The following GDF11 variants were observed in gnomAD, a reference collection of about 807,000 sequenced individuals.
The protein encoded by GDF11 is growth differentiation factor 11.
Under a neutral mutation model 34.4 loss-of-function variants are expected in GDF11, and 12 were observed. That is an observed-to-expected ratio of 0.35 (90% confidence interval 0.22 to 0.57). The LOEUF is 0.57. Ranked by LOEUF, GDF11 falls within the 20% of genes least tolerant of loss-of-function variation. GDF11 has a pLI of 0.86. For missense variants in GDF11, 346 were observed against 548.2 expected (o/e 0.63, Z 3.68); for synonymous variants, 212 against 231.1 (o/e 0.92, Z 0.75).
In GDF11 at chr12:55,751,416, G is replaced by A. The variant is rs1232212639; in HGVS notation, c.*1534G>A. 6.6e-6 allele frequency: 1 copy of A among 152,046 alleles called. No individual in the cohort carries two copies. Among genetic ancestry groups the A allele is most frequent in the Non-Finnish European group, 1.5e-5 (1 of 68,046 alleles). The allele number at this position is 152,046 out of a possible 1,614,324, so 9.4% of individuals were successfully genotyped here. A position where few individuals can be genotyped will look rare whatever the true frequency, so the allele number is the denominator to read the frequency against. Reference sequence around the variant, plus strand: ...CACAACCCTGACCCATTCTCCTCTGGACTCACTGTGCCTCAGTTTCTTCCC... The same window carrying A: ...CACAACCCTGACCCATTCTCCTCTGAACTCACTGTGCCTCAGTTTCTTCCC... On this transcript the variant is annotated 3_prime_UTR_variant, in exon 3 of 3. Transcript: ENST00000257868.
chr12:55,744,702 T>TC lies in GDF11; in HGVS notation c.445+948dup, dbSNP rs1259571004. On this transcript the variant is annotated intron_variant, in intron 1 of 2. Coordinates refer to ENST00000257868, the MANE Select transcript of GDF11 (RefSeq NM_005811.5). ...CTCCTTCTCCTCCCCCACTGAGGTCTCCCCCCCTCCCCAACTACAGGGAAC... is the reference window on the plus strand; with the variant it reads ...CTCCTTCTCCTCCCCCACTGAGGTCTCCCCCCCCTCCCCAACTACAGGGAAC... Among the ~76,000 whole-genome samples the TC allele has an allele frequency of 7.7e-5, 11 of 143,572 alleles. No individual in the cohort carries two copies. The East Asian group carries it at 1.7e-3, about 23-fold the overall frequency. 94.2% of individuals were successfully genotyped at this position (143,572 alleles called of 152,430 possible). A position where few individuals can be genotyped will look rare whatever the true frequency, so the allele number is the denominator to read the frequency against.
chr12:55,755,576 A>T lies in GDF11; in HGVS notation c.*5694A>T, dbSNP rs1057373183. 6.6e-6 allele frequency: 1 copy of T among 152,206 alleles called. No homozygotes were observed. Among genetic ancestry groups the T allele is most frequent in the African/African-American group, 2.4e-5 (1 of 41,438 alleles). The allele number at this position is 152,206 out of a possible 1,614,324, so 9.4% of individuals were successfully genotyped here. A position where few individuals can be genotyped will look rare whatever the true frequency, so the allele number is the denominator to read the frequency against. ...GGAAGGGTACTAAGATCTCAGGTAA[A>T]CAATTACAAGCCTCAATGTCTGTTC... On this transcript the variant is annotated 3_prime_UTR_variant, in exon 3 of 3. Transcript: ENST00000257868.
chr12:55,748,768 G>A lies in GDF11; in HGVS notation c.628G>A (p.Gly210Arg). 1 of 1,614,238 alleles carries A rather than the reference G, an allele frequency of 6.2e-7. No homozygotes were observed. Among genetic ancestry groups the A allele is most frequent in the Non-Finnish European group, 8.5e-7 (1 of 1,180,044 alleles). Residue 210 changes from glycine (G) to arginine (R), a missense_variant, in exon 2 of 3, where the codon GGG becomes AGG. Gly to Arg is a moderately radical substitution (Grantham distance 125). This residue lies in a region of GDF11 where 205 missense variants were observed against 311.3 expected (regional missense o/e 0.66). Coordinates refer to ENST00000257868, the MANE Select transcript of GDF11 (RefSeq NM_005811.5). This position sits in a 1 kb window ranked among gnomAD's most constrained non-coding sequence, Gnocchi z 5.6. ...ACCCCTAACTGGGGAAGGGACCGCA[G>A]GGGGAGGGGGCGGAGGCCGGCGTCA... is the stretch of plus-strand genomic sequence containing the variant. ...LKPLTGEGTAGGGGGGRRHIR... is the reference protein window; with the variant it reads ...LKPLTGEGTARGGGGGRRHIR...
rs1336787035 is a variant in GDF11 at position 55,743,698 on chromosome 12, G to A, written c.382G>A (p.Asp128Asn). Residue 128 changes from aspartate to asparagine, a missense_variant, in exon 1 of 3, where the codon GAC becomes AAC. Around this residue, in one of 3 missense-constraint regions of GDF11, gnomAD observed 141 missense variants for 213.8 expected, o/e 0.66. Transcript: ENST00000257868. ...DFQGDALQPE[D>N]FLEEDEYHAT... ...CCAGGGCGACGCGCTGCAGCCCGAG[G>A]ACTTCCTGGAGGAGGACGAGTACCA... 1.2e-6 allele frequency: 2 copies of A among 1,601,120 alleles called. No homozygotes were observed. The highest frequency in any genetic ancestry group is 1.3e-5 in the African/African-American group (1 of 74,958).
chr12:55,745,152 G>A lies in GDF11; in HGVS notation c.445+1391G>A, dbSNP rs893804339. Among the ~76,000 whole-genome samples the A allele has an allele frequency of 7.2e-5, 11 of 152,056 alleles. No individual in the cohort carries two copies. In the East Asian group the frequency reaches 9.6e-4, roughly 13 times the overall value. On this transcript the variant is annotated intron_variant, in intron 1 of 2. Coordinates refer to ENST00000257868, the MANE Select transcript of GDF11 (RefSeq NM_005811.5). Reference sequence around the variant, plus strand: ...GATCGACTGAGGGCAGGGGTAGGGGGTGGGGTTTCTAGGAAACAGAGTTAT... The same window carrying A: ...GATCGACTGAGGGCAGGGGTAGGGGATGGGGTTTCTAGGAAACAGAGTTAT...
In GDF11 at chr12:55,752,133, A is replaced by C. The variant is rs1296470972; in HGVS notation, c.*2251A>C. 1 of 152,256 alleles carries C rather than the reference A, an allele frequency of 6.6e-6. No individual in the cohort carries two copies. The highest frequency in any genetic ancestry group is 1.5e-5 in the Non-Finnish European group (1 of 68,098). 9.4% of individuals were successfully genotyped at this position (152,256 alleles called of 1,614,324 possible). On this transcript the variant is annotated 3_prime_UTR_variant, in exon 3 of 3. Transcript: ENST00000257868. The stretch of plus-strand genomic sequence containing the variant: ...CCTTCTGCCCCAATCCTGAAGGACA[A>C]GACACACCCGGCCATCAACACCACT...
intron 1 of GDF11, among the ~76,000 whole-genome samples, chr12:55,745,300 C>A (rs1364671707): frequency 6.6e-6 from 1 of 152,042 alleles, no homozygotes; most frequent in African/African-American, 2.4e-5. Flanking sequence ...TGGACTTCTC[C>A]TTGCCCCTAA....
rs139084327 is a variant in GDF11 at position 55,751,957 on chromosome 12, C to CTA, written c.*2076_*2077insAT. The CTA allele has an allele frequency of 1.3e-5, 2 of 152,292 alleles. No homozygotes were observed. The highest frequency in any genetic ancestry group is 4.8e-5 in the African/African-American group (2 of 41,546). The allele number at this position is 152,292 out of a possible 1,614,324, so 9.4% of individuals were successfully genotyped here. A position where few individuals can be genotyped will look rare whatever the true frequency, so the allele number is the denominator to read the frequency against. On this transcript the variant is annotated 3_prime_UTR_variant, in exon 3 of 3. Coordinates refer to ENST00000257868, the MANE Select transcript of GDF11 (RefSeq NM_005811.5). ...CCCTTGAGAAGGTGATGTTGGTGAGCTTTAACATCTTATTCCTATTCTTAT... is the reference window on the plus strand; with the variant it reads ...CCCTTGAGAAGGTGATGTTGGTGAGCTATTTAACATCTTATTCCTATTCTTAT...
chr12:55,743,790 G>A (rs746080564), intron 1 of GDF11, 29 bp downstream of exon 1: 7 of 1,493,438 alleles, frequency 4.7e-6, no homozygotes, highest in Admixed American at 2.0e-5. Context: ...GCGAGCAGTG[G>A]GGTGCTGGCT....
chr12:55,745,582 G>T (rs1169295557), intron 1 of GDF11, among the ~76,000 whole-genome samples: 1 of 151,018 alleles, frequency 6.6e-6, no homozygotes, highest in African/African-American at 2.4e-5. Flanking sequence ...GAGGGAGGGG[G>T]AGTGGAGGGG....
chr12:55,746,206 T>G (rs1878182872), intron 1 of GDF11, among the ~76,000 whole-genome samples: 1 of 152,176 alleles, frequency 6.6e-6, no homozygotes, highest in Non-Finnish European at 1.5e-5. Context: ...TTTCCCTCTG[T>G]GGCTCTACCT....
In GDF11 at chr12:55,749,779, C is replaced by T; in HGVS notation, c.1121C>T (p.Pro374Leu). Reference protein sequence around the residue: ...PRGSAGPCCTPTKMSPINMLY... With the variant: ...PRGSAGPCCTLTKMSPINMLY... Reference sequence around the variant, plus strand: ...GGCTCTGCTGGGCCCTGTTGTACCCCCACCAAGATGTCCCCAATCAACATG... The same window carrying T: ...GGCTCTGCTGGGCCCTGTTGTACCCTCACCAAGATGTCCCCAATCAACATG... Residue 374 changes from proline to leucine, a missense_variant, in exon 3 of 3, where the codon CCC becomes CTC. Pro to Leu is a moderately conservative substitution (Grantham distance 98). Around this residue, in one of 3 missense-constraint regions of GDF11, gnomAD observed 205 missense variants for 311.3 expected, o/e 0.66. Coordinates refer to ENST00000257868, the MANE Select transcript of GDF11 (RefSeq NM_005811.5). The surrounding 1 kb of genome is among the most constrained non-coding windows in gnomAD (Gnocchi z 5.6). 1.2e-6 allele frequency: 2 copies of T among 1,614,138 alleles called. No homozygotes were observed. The highest frequency in any genetic ancestry group is 1.7e-6 in the Non-Finnish European group (2 of 1,180,030).
intron 1 of GDF11, among the ~76,000 whole-genome samples, chr12:55,747,032 T>C (rs1432022920): frequency 6.6e-6 from 1 of 152,224 alleles, no homozygotes; most frequent in Non-Finnish European, 1.5e-5. Flanking sequence ...ACAGTATGAA[T>C]AACAACAGTG....
chr12:55,749,761 C>G lies in GDF11; in HGVS notation c.1103C>G (p.Ala368Gly), dbSNP rs772900208. The change falls in exon 3 of 3, where the codon GCT becomes GGT. Residue 368 changes from alanine to glycine, a missense_variant. Physicochemically the swap from Ala to Gly is moderately conservative, Grantham distance 60. Around this residue, in one of 3 missense-constraint regions of GDF11, gnomAD observed 205 missense variants for 311.3 expected, o/e 0.66. Transcript: ENST00000257868. The surrounding 1 kb of genome is among the most constrained non-coding windows in gnomAD (Gnocchi z 5.6). ...CAGCAGGCCAATCCAAGAGGCTCTG[C>G]TGGGCCCTGTTGTACCCCCACCAAG... ...LVQQANPRGS[A>G]GPCCTPTKMS... 6.2e-6 allele frequency: 10 copies of G among 1,614,138 alleles called. No individual in the cohort carries two copies. The highest frequency in any genetic ancestry group is 8.5e-6 in the Non-Finnish European group (10 of 1,180,020).
At position 55,745,770 on chromosome 12, in the gene GDF11, C is replaced by G. The variant is rs987325844; in HGVS notation, c.445+2009C>G. ...GCCCTCAACCCTGGACCCCAGCCCCCACCTCTCCTAGGCTGCTCTGCCTGC... is the reference window on the plus strand; with the variant it reads ...GCCCTCAACCCTGGACCCCAGCCCCGACCTCTCCTAGGCTGCTCTGCCTGC... On this transcript the variant is annotated intron_variant, in intron 1 of 2. Coordinates refer to ENST00000257868, the MANE Select transcript of GDF11 (RefSeq NM_005811.5). Among the ~76,000 whole-genome samples the G allele has an allele frequency of 2.6e-5, 4 of 151,248 alleles. No individual in the cohort carries two copies. The East Asian group carries it at 5.8e-4, about 22-fold the overall frequency.
chr12:55,748,516 G>T lies in GDF11; in HGVS notation c.446-70G>T, dbSNP rs1878231176. ...CAGGCTGAGAAGTCCAAAATTGCCAGTGCCACCCAGGACTACTGATCCCCT... is the reference window on the plus strand; with the variant it reads ...CAGGCTGAGAAGTCCAAAATTGCCATTGCCACCCAGGACTACTGATCCCCT... On this transcript the variant is annotated intron_variant, in intron 1 of 2. Coordinates refer to ENST00000257868, the MANE Select transcript of GDF11 (RefSeq NM_005811.5). The surrounding 1 kb of genome is among the most constrained non-coding windows in gnomAD (Gnocchi z 5.6). 1 of 1,437,580 alleles carries T rather than the reference G, an allele frequency of 7.0e-7. No homozygotes were observed. Among genetic ancestry groups the T allele is most frequent in the African/African-American group, 1.4e-5 (1 of 70,434 alleles). 89.1% of individuals were successfully genotyped at this position (1,437,580 alleles called of 1,614,324 possible). A position where few individuals can be genotyped will look rare whatever the true frequency, so the allele number is the denominator to read the frequency against.
Position 55,743,257 on chromosome 12 carries a change from C to A in GDF11, c.-60C>A. 1 of 600,248 alleles carries A rather than the reference C, an allele frequency of 1.7e-6. No homozygotes were observed. 37.2% of individuals were successfully genotyped at this position (600,248 alleles called of 1,614,324 possible). A position where few individuals can be genotyped will look rare whatever the true frequency, so the allele number is the denominator to read the frequency against. ...CCTCCTCCCTCCCTCCTCCCTCCGC[C>A]CCCTCCCCGCGGGACTCCGGCGTCC... On this transcript the variant is annotated 5_prime_UTR_variant, in exon 1 of 3. Coordinates refer to ENST00000257868, the MANE Select transcript of GDF11 (RefSeq NM_005811.5).
At position 55,750,646 on chromosome 12, in the gene GDF11, T is replaced by C. The variant is rs975358836; in HGVS notation, c.*764T>C. ...AGTAAAGGGCAAGAGGGCGGACACA[T>C]GAAGTTTAGTTTCTAACCCATCATC... On this transcript the variant is annotated 3_prime_UTR_variant, in exon 3 of 3. Coordinates refer to ENST00000257868, the MANE Select transcript of GDF11 (RefSeq NM_005811.5). 2 of 152,156 alleles carry C rather than the reference T, an allele frequency of 1.3e-5. No homozygotes were observed. The highest frequency in any genetic ancestry group is 2.9e-5 in the Non-Finnish European group (2 of 68,044). 9.4% of individuals were successfully genotyped at this position (152,156 alleles called of 1,614,324 possible).
rs770259301 is a variant in GDF11 at position 55,753,585 on chromosome 12, C to G, written c.*3703C>G. The G allele has an allele frequency of 6.6e-6, 1 of 152,000 alleles. No individual in the cohort carries two copies. Among genetic ancestry groups the G allele is most frequent in the Non-Finnish European group, 1.5e-5 (1 of 68,030 alleles). 9.4% of individuals were successfully genotyped at this position (152,000 alleles called of 1,614,324 possible). Reference sequence around the variant, plus strand: ...CGGAGTTCGAGACCATGCTGGCCAACATTGTGAAACCTCATCTCTACTAAA... The same window carrying G: ...CGGAGTTCGAGACCATGCTGGCCAAGATTGTGAAACCTCATCTCTACTAAA... On this transcript the variant is annotated 3_prime_UTR_variant, in exon 3 of 3. Transcript: ENST00000257868.
Sources: allele counts gnomAD v4.1 joint callset (sites outside exome capture counted in the v4.1 genomes callset), GRCh38; gene constraint gnomAD v4.1.1; regional missense constraint gnomAD v4.1.1; non-coding constraint Gnocchi (gnomAD v3.1); transcripts MANE v1.5; gene names NCBI Gene and HGNC (gene_info 2026-07-23, HGNC 2026-07-21).